RBFOX1: variants seen among roughly 807,000 people sequenced by gnomAD.
The protein encoded by RBFOX1 is RNA binding fox-1 homolog 1, also known as RNA binding protein fox-1 homolog 1.
In RBFOX1, 8 loss-of-function variants were observed where a neutral mutation model predicts 57.7. The observed-to-expected ratio is 0.14, with a 90% CI of 0.08 to 0.25. The LOEUF (loss-of-function observed/expected upper bound fraction) is 0.25. Ranked by LOEUF, RBFOX1 falls within the 10% of genes least tolerant of loss-of-function variation. The pLI is 1.00. For synonymous variants in RBFOX1, 326 were observed against 222.4 expected, an observed-to-expected ratio of 1.47 and a Z score of -4.15; for missense variants, 611 against 548.5, an observed-to-expected ratio of 1.11 and a Z score of -1.14.
intron 1 of RBFOX1, among the ~76,000 whole-genome samples, chr16:6,199,632 A>G (rs1174163343): frequency 6.6e-6 from 1 of 152,230 alleles, no homozygotes; most frequent in African/African-American, 2.4e-5. Context: ...TACTTACCTG[A>G]TGCAGATAAT....
chr16:5,968,285 G>A (rs974214108), intron 4 of RBFOX1, among the ~76,000 whole-genome samples: 7 of 151,970 alleles, frequency 4.6e-5, no homozygotes, highest in African/African-American at 1.5e-4. Context: ...ATGTTGGCCC[G>A]GCTGGTCTCA....
At chr16:5,949,525 C>CAAAAAA (rs59221283) in intron 4 of RBFOX1, among the ~76,000 whole-genome samples, 3 of 32,238 alleles carry the variant, frequency 9.3e-5, no homozygotes, top group African/African-American at 1.3e-4. Context: ...GAGTCCATCT[C>CAAAAAA]AAAAAAAAAA....
At chr16:5,508,719 G>A (rs1389482516) in intron 2 of RBFOX1, among the ~76,000 whole-genome samples, 1 of 152,214 alleles carries the variant, frequency 6.6e-6, no homozygotes, top group Admixed American at 6.5e-5. Flanking sequence ...TACCCAAGGT[G>A]GGGCGGGGGA....
At chr16:5,658,494 G>A (rs1195920345) in intron 3 of RBFOX1, among the ~76,000 whole-genome samples, 1 of 152,102 alleles carries the variant, frequency 6.6e-6, no homozygotes, top group Non-Finnish European at 1.5e-5. Context: ...GAAAATGGCA[G>A]TGATTTTCCA....
chr16:6,528,316 G>A (rs1281319802), intron 2 of RBFOX1, among the ~76,000 whole-genome samples: 2 of 152,194 alleles, frequency 1.3e-5, no homozygotes, highest in Admixed American at 6.5e-5. Context: ...AACTTAGGAT[G>A]CCTCACTCAT....
intron 3 of RBFOX1, among the ~76,000 whole-genome samples, chr16:5,809,778 G>T (rs1250822907): frequency 1.3e-5 from 2 of 152,074 alleles, no homozygotes; most frequent in African/African-American, 4.8e-5. Context: ...GATTCCTCAG[G>T]GATCTAGAAC....
chr16:7,189,863 A>T (rs2084943040), intron 4 of RBFOX1, among the ~76,000 whole-genome samples: 1 of 152,204 alleles, frequency 6.6e-6, no homozygotes, highest in Non-Finnish European at 1.5e-5. Context: ...GATCGCCTTT[A>T]TGTCTGCAAT....
At chr16:7,667,119 A>C (rs3785214) in intron 13 of RBFOX1, among the ~76,000 whole-genome samples, 58,763 of 152,016 alleles carry the variant, frequency 0.39, 12,700 homozygotes, top group Non-Finnish European at 0.49. Flanking sequence ...CTGCAATATG[A>C]ATTTAGAGAT....
At chr16:6,745,725 T>C (rs999574827) in intron 3 of RBFOX1, among the ~76,000 whole-genome samples, 11 of 152,180 alleles carry the variant, frequency 7.2e-5, no homozygotes, top group Non-Finnish European at 1.0e-4. Flanking sequence ...GCCCCCAAGA[T>C]TGGGAACAAA....
intron 3 of RBFOX1, among the ~76,000 whole-genome samples, chr16:5,702,958 A>G (rs941321188): frequency 6.6e-6 from 1 of 152,184 alleles, no homozygotes; most frequent in African/African-American, 2.4e-5. Flanking sequence ...TCTGCATGTT[A>G]CTATGTGACA....
chr16:7,705,004 A>G (rs143960510), intron 14 of RBFOX1, among the ~76,000 whole-genome samples: 1 of 149,636 alleles, frequency 6.7e-6, no homozygotes, highest in Non-Finnish European at 1.5e-5. Flanking sequence ...AGATCATGTC[A>G]CTGCACTCCA....
chr16:6,925,109 G>GGTTTTTTT (rs2075300959), intron 3 of RBFOX1, among the ~76,000 whole-genome samples: 1 of 45,218 alleles, frequency 2.2e-5, no homozygotes, highest in African/African-American at 8.8e-5. Flanking sequence ...TAGGTTGTTG[G>GGTTTTTTT]TTTTTTTTTT....
intron 2 of RBFOX1, among the ~76,000 whole-genome samples, chr16:6,595,275 C>G (rs2097766098): frequency 6.6e-6 from 1 of 152,184 alleles, no homozygotes; most frequent in Non-Finnish European, 1.5e-5. Context: ...ATAGGTTTAC[C>G]TATTCTGGGT....
intron 4 of RBFOX1, among the ~76,000 whole-genome samples, chr16:7,428,777 T>G (rs1033476680): frequency 6.6e-5 from 10 of 152,092 alleles, no homozygotes; most frequent in African/African-American, 2.2e-4. Context: ...TCTCTTTTAT[T>G]TTGGCTTTGA....
chr16:6,684,587 A>T (rs537768565), intron 3 of RBFOX1, among the ~76,000 whole-genome samples: 1 of 152,272 alleles, frequency 6.6e-6, no homozygotes, highest in South Asian at 2.1e-4. Context: ...GTCCTTGAAA[A>T]GGAAGCCAGC....
intron 3 of RBFOX1, among the ~76,000 whole-genome samples, chr16:5,776,345 A>T (rs1355019908): frequency 1.3e-5 from 2 of 152,142 alleles, no homozygotes; most frequent in South Asian, 2.1e-4. Flanking sequence ...CTTTTTTGGC[A>T]CAGAGTTGTT....
intron 1 of RBFOX1, among the ~76,000 whole-genome samples, chr16:6,314,759 T>C (rs1028360746): frequency 2.0e-5 from 3 of 152,202 alleles, no homozygotes; most frequent in Admixed American, 1.3e-4. Context: ...GTTTGGGCTG[T>C]ACTAGGGATT....
intron 3 of RBFOX1, among the ~76,000 whole-genome samples, chr16:5,800,837 C>G (rs2055033117): frequency 6.6e-6 from 1 of 152,112 alleles, no homozygotes; most frequent in African/African-American, 2.4e-5. Flanking sequence ...ACAAGCCTCT[C>G]TGTTTGAATG....
intron 1 of RBFOX1, among the ~76,000 whole-genome samples, chr16:5,438,458 T>C (rs1314581040): frequency 1.3e-5 from 2 of 152,164 alleles, no homozygotes; most frequent in African/African-American, 4.8e-5. Flanking sequence ...TCAAGTGCTG[T>C]CTTGACATCT....
Sources: allele counts gnomAD v4.1 joint callset (sites outside exome capture counted in the v4.1 genomes callset), GRCh38; gene constraint gnomAD v4.1.1; transcripts MANE v1.5; gene names NCBI Gene and HGNC (gene_info 2026-07-23, HGNC 2026-07-21).